Variants in XAF1 observed in about 807,000 individuals in gnomAD.
The protein encoded by XAF1 is XIAP-associated factor 1.
A neutral mutation model predicts 32.3 loss-of-function variants in XAF1; 32 were observed. That is an observed-to-expected ratio of 0.99 (90% CI 0.75 to 1.33). XAF1 has a LOEUF of 1.33. XAF1 is among the 40% of genes most tolerant of loss of function. The probability of loss-of-function intolerance (pLI) is 0.00; values close to 1 mark genes in which losing one functional copy is unlikely to be tolerated. For synonymous variants in XAF1, 120 were observed against 125.9 expected (o/e 0.95, Z 0.31); for missense variants, 379 against 366.0 (o/e 1.04, Z -0.29).
intron 5 of XAF1, among the ~76,000 whole-genome samples, chr17:6,763,828 G>A (rs1975396435): frequency 6.6e-6 from 1 of 152,264 alleles, no homozygotes; most frequent in African/African-American, 2.4e-5. Flanking sequence ...TCTGAGATGC[G>A]CTGCCCCAGC....
intron 3 of XAF1, among the ~76,000 whole-genome samples, 150 bp from the exon 4 acceptor site, chr17:6,760,253 CAGG>C (rs1167895881): frequency 1.4e-5 from 2 of 146,452 alleles, no homozygotes; most frequent in African/African-American, 5.1e-5. Context: ...GAGGCTGAGG[CAGG>C]AGAATTGCTT....
intron 5 of XAF1, among the ~76,000 whole-genome samples, chr17:6,763,856 T>C (rs78636687): frequency 0.08 from 12,164 of 152,276 alleles, 556 homozygotes; most frequent in East Asian, 0.13. Context: ...TTCTCAGCCT[T>C]GGCTGTACGT....
chr17:6,767,620 A>G (rs1233538344), intron 5 of XAF1, among the ~76,000 whole-genome samples: 1 of 152,210 alleles, frequency 6.6e-6, no homozygotes, highest in Non-Finnish European at 1.5e-5. Context: ...ATTCTTTAAT[A>G]TCTCAAAAAT....
intron 5 of XAF1, 82 bp from the exon 6 acceptor site, chr17:6,770,561 C>A: frequency 8.7e-7 from 1 of 1,153,282 alleles, no homozygotes; most frequent in East Asian, 2.4e-5. Flanking sequence ...GTGGGAATTT[C>A]TTGTGTTATC....
intron 2 of XAF1, chr17:6,759,282 G>A (rs1787523076): frequency 8.5e-7 from 1 of 1,180,834 alleles, no homozygotes; most frequent in Non-Finnish European, 1.0e-6. Flanking sequence ...TAGGCAAGAG[G>A]TTCTGGTTTC....
At position 6,760,390 on chromosome 17, in the gene XAF1, C is replaced by G. The variant is rs766983563; in HGVS notation, c.226-16C>G. On this transcript the variant is annotated splice_polypyrimidine_tract_variant and intron_variant, in intron 3 of 6. Transcript: ENST00000361842. ...AAAAGGGCCAGTGATCATGCCCTTCCTGCTGCCTCCCACAGGCCAATGAGT... is the reference window on the plus strand; with the variant it reads ...AAAAGGGCCAGTGATCATGCCCTTCGTGCTGCCTCCCACAGGCCAATGAGT... 6.3e-7 allele frequency: 1 copy of G among 1,598,706 alleles called. No individual in the cohort carries two copies. The highest frequency in any genetic ancestry group is 1.3e-5 in the African/African-American group (1 of 74,218).
chr17:6,757,190 A>G (rs376657214), intron 1 of XAF1, among the ~76,000 whole-genome samples: 2 of 152,174 alleles, frequency 1.3e-5, no homozygotes, highest in East Asian at 1.9e-4. Flanking sequence ...TTTAGTAGAG[A>G]TGAGGTTTCA....
chr17:6,759,403 C>T, intron 2 of XAF1: 3 of 1,376,372 alleles, frequency 2.2e-6, no homozygotes, highest in Non-Finnish European at 2.8e-6. Context: ...GTCCATTCCT[C>T]CTGGGGCCCC....
Position 6,774,100 on chromosome 17 carries a change from A to C in XAF1, c.*931A>C, listed in dbSNP as rs1976259101. ...GAGCCCAAAAAGCCAAAGCAATCCTAAGCAAAAAGAACAAAGCTGGAGGCA... is the reference window on the plus strand; with the variant it reads ...GAGCCCAAAAAGCCAAAGCAATCCTCAGCAAAAAGAACAAAGCTGGAGGCA... On this transcript the variant is annotated 3_prime_UTR_variant, in exon 7 of 7. Transcript: ENST00000361842. 1 of 152,220 alleles carries C rather than the reference A, an allele frequency of 6.6e-6. No homozygotes were observed. The highest frequency in any genetic ancestry group is 1.5e-5 in the Non-Finnish European group (1 of 68,026). 9.4% of individuals were successfully genotyped at this position (152,220 alleles called of 1,614,324 possible).
intron 2 of XAF1, 25 bp downstream of exon 2, chr17:6,758,249 G>A (rs1405331982): frequency 5.0e-6 from 8 of 1,610,266 alleles, no homozygotes; most frequent in Non-Finnish European, 5.9e-6. Context: ...GGGAGGATGG[G>A]GTCTGAGAGT....
At chr17:6,763,488 C>T (rs764946559) in intron 5 of XAF1, among the ~76,000 whole-genome samples, 13 of 152,162 alleles carry the variant, frequency 8.5e-5, no homozygotes, top group South Asian at 2.1e-4. Flanking sequence ...CCACCACGCC[C>T]GGCTAATTTT....
At chr17:6,763,076 T>C (rs889974128) in intron 5 of XAF1, among the ~76,000 whole-genome samples, 2 of 152,342 alleles carry the variant, frequency 1.3e-5, no homozygotes, top group East Asian at 3.9e-4. Flanking sequence ...TAGAATATTT[T>C]CATCATTCCA....
Position 6,765,240 on chromosome 17 carries a change from C to T in XAF1, c.507+3000C>T, listed in dbSNP as rs552495073. Among the ~76,000 whole-genome samples, 4 of 152,132 alleles carry T rather than the reference C, an allele frequency of 2.6e-5. No homozygotes were observed. The East Asian group carries it at 5.8e-4, about 22-fold the overall frequency. ...CAACCTGGCTAACACAGTGAACTCTCGTCTCTACTAAAAATACAAAAACTT... is the reference window on the plus strand; with the variant it reads ...CAACCTGGCTAACACAGTGAACTCTTGTCTCTACTAAAAATACAAAAACTT... On this transcript the variant is annotated intron_variant, in intron 5 of 6. Coordinates refer to ENST00000361842, the MANE Select transcript of XAF1 (RefSeq NM_017523.5).
chr17:6,769,663 A>G (rs1975874229), intron 5 of XAF1, among the ~76,000 whole-genome samples: 1 of 152,134 alleles, frequency 6.6e-6, no homozygotes, highest in African/African-American at 2.4e-5. Context: ...GACTCTACCT[A>G]TGAGGATCCT....
At chr17:6,758,725 T>C (rs1974926361) in intron 2 of XAF1, 1 of 242,562 alleles carries the variant, frequency 4.1e-6, no homozygotes, top group African/African-American at 2.9e-5. Flanking sequence ...GCAGGAGAGA[T>C]GGGGTCTGAG....
At chr17:6,759,317 G>T in intron 2 of XAF1, 1 of 1,250,350 alleles carries the variant, frequency 8.0e-7, no homozygotes, top group Non-Finnish European at 1.0e-6. Flanking sequence ...GTTCTCTTGA[G>T]ATCTGTAAAG....
intron 5 of XAF1, among the ~76,000 whole-genome samples, chr17:6,769,013 G>A (rs572639738): frequency 3.3e-5 from 5 of 151,208 alleles, no homozygotes; most frequent in African/African-American, 1.2e-4. Flanking sequence ...TGTATATTAA[G>A]CATTCTCATT....
intron 1 of XAF1, among the ~76,000 whole-genome samples, chr17:6,757,065 G>A (rs761217888): frequency 2.0e-5 from 3 of 151,192 alleles, no homozygotes; most frequent in African/African-American, 7.3e-5. Flanking sequence ...GCAATGGCGC[G>A]ATTTCAGCTC....
chr17:6,755,447 A>AGATGTTG, upstream of XAF1: 1 of 986,018 alleles, frequency 1.0e-6, no homozygotes, highest in Non-Finnish European at 1.2e-6. Context: ...TCATCACTCC[A>AGATGTTG]GATGTTGTTT....
Sources: gnomAD v4.1 joint callset for allele counts (sites outside exome capture counted in the v4.1 genomes callset) on GRCh38, gnomAD v4.1.1 for gene constraint, MANE v1.5 for transcripts, NCBI Gene and HGNC (gene_info 2026-07-23, HGNC 2026-07-21) for gene names.